Variants in CTNNA2 observed in about 807,000 individuals in gnomAD.
The protein encoded by CTNNA2 is catenin alpha-2.
CTNNA2 carries 42 observed loss-of-function variants against 101.0 expected under a neutral mutation model. The observed-to-expected ratio is 0.42, with a 90% CI of 0.32 to 0.54. CTNNA2 has a LOEUF of 0.54. Among genes scored for constraint, CTNNA2 ranks in the 20% least tolerant of loss-of-function variants. The pLI is 0.14. For missense variants in CTNNA2, 871 were observed against 1,223.1 expected, an observed-to-expected ratio of 0.71 and a Z score of 4.29; for synonymous variants, 450 against 456.4, an observed-to-expected ratio of 0.99 and a Z score of 0.18.
At chr2:79,534,481 A>G (rs1426675365) in intron 1 of CTNNA2, among the ~76,000 whole-genome samples, 1 of 152,082 alleles carries the variant, frequency 6.6e-6, no homozygotes, top group Non-Finnish European at 1.5e-5. Context: ...CAGGCTCATA[A>G]TAGGTATTCT....
chr2:80,237,721 G>C (rs1709620173), intron 7 of CTNNA2, among the ~76,000 whole-genome samples: 1 of 152,150 alleles, frequency 6.6e-6, no homozygotes, highest in South Asian at 2.1e-4. Flanking sequence ...GATCTGCATT[G>C]ATGTTTCATA....
chr2:79,549,037 C>G (rs967300309), intron 1 of CTNNA2, among the ~76,000 whole-genome samples: 6 of 152,158 alleles, frequency 3.9e-5, no homozygotes, highest in African/African-American at 1.4e-4. Context: ...GTCCACAGGG[C>G]ATACGGTGCA....
chr2:79,418,675 GC>G (rs959203247), intron 4 of CTNNA2, among the ~76,000 whole-genome samples: 12 of 152,000 alleles, frequency 7.9e-5, no homozygotes, highest in Non-Finnish European at 1.6e-4. Context: ...CTTTCTCTCT[GC>G]CGTCATCTGC....
At chr2:79,390,353 A>T (rs953016254) in intron 4 of CTNNA2, among the ~76,000 whole-genome samples, 5 of 152,232 alleles carry the variant, frequency 3.3e-5, no homozygotes, top group African/African-American at 7.2e-5. Context: ...ACTCTTTGTG[A>T]CATATGAATT....
intron 7 of CTNNA2, among the ~76,000 whole-genome samples, chr2:80,003,006 C>A (rs1237934046): frequency 6.6e-6 from 1 of 152,108 alleles, no homozygotes; most frequent in African/African-American, 2.4e-5. Context: ...GTAAGACATT[C>A]CCTACCCACT....
rs557527400 is a variant in CTNNA2, at chr2:79,758,546, A to G, written c.298+13964A>G. Among the ~76,000 whole-genome samples, 5 of 152,324 alleles carry G rather than the reference A, an allele frequency of 3.3e-5. No homozygotes were observed. The East Asian group carries it at 9.6e-4, about 29-fold the overall frequency. ...TGGGATACAATTAACCCCGTCACCC[A>G]GGTAACTGAGCCTAGTACCCAAGTT... On this transcript the variant is annotated intron_variant, in intron 3 of 18. Transcript: ENST00000402739.
chr2:80,308,586 C>T (rs1333976551), intron 7 of CTNNA2, among the ~76,000 whole-genome samples: 2 of 151,986 alleles, frequency 1.3e-5, no homozygotes, highest in East Asian at 3.9e-4. Context: ...GTGGGGGCCC[C>T]AAGGCTGCTC....
intron 2 of CTNNA2, among the ~76,000 whole-genome samples, chr2:79,212,814 A>G (rs1192673054): frequency 1.3e-5 from 2 of 152,210 alleles, no homozygotes; most frequent in East Asian, 1.9e-4. Context: ...CTAATTTGCC[A>G]GTCCTGGGCA....
At chr2:80,579,853 A>G (rs1459418354) in intron 13 of CTNNA2, among the ~76,000 whole-genome samples, 1 of 152,204 alleles carries the variant, frequency 6.6e-6, no homozygotes, top group East Asian at 1.9e-4. Flanking sequence ...CAAAGAAACC[A>G]GCAGAATAAA....
At chr2:79,560,132 A>G (rs1674688089) in intron 1 of CTNNA2, among the ~76,000 whole-genome samples, 1 of 151,704 alleles carries the variant, frequency 6.6e-6, no homozygotes, top group Non-Finnish European at 1.5e-5. Flanking sequence ...AGAAAATGAC[A>G]ACTTGGAGCA....
At chr2:80,601,421 C>CTTTTTTTTT (rs56921519) in intron 15 of CTNNA2, among the ~76,000 whole-genome samples, 7 of 84,392 alleles carry the variant, frequency 8.3e-5, no homozygotes, top group African/African-American at 1.4e-4. Flanking sequence ...TTCTTTCTTT[C>CTTTTTTTTT]TTTTTTTTTT....
chr2:80,472,450 G>A (rs942814410), intron 9 of CTNNA2, among the ~76,000 whole-genome samples: 3 of 152,284 alleles, frequency 2.0e-5, no homozygotes, highest in Admixed American at 2.0e-4. Flanking sequence ...ATTATAGTGG[G>A]AAGATGGTAT....
At chr2:79,866,163 AT>A (rs1223926450) in intron 4 of CTNNA2, among the ~76,000 whole-genome samples, 1 of 152,232 alleles carries the variant, frequency 6.6e-6, no homozygotes, top group Non-Finnish European at 1.5e-5. Context: ...GGTACAGGCT[AT>A]TTTGAACAGG....
intron 7 of CTNNA2, among the ~76,000 whole-genome samples, chr2:80,233,376 GT>G (rs1709367971): frequency 6.6e-6 from 1 of 151,986 alleles, no homozygotes; most frequent in South Asian, 2.1e-4. Flanking sequence ...GACACTACTT[GT>G]TTTCTCTGTC....
chr2:80,595,797 T>C (rs1281868494), intron 15 of CTNNA2, among the ~76,000 whole-genome samples: 4 of 152,244 alleles, frequency 2.6e-5, no homozygotes, highest in African/African-American at 9.6e-5. Context: ...TCAGGTAGCA[T>C]GATGCCTCCA....
rs1249201220 is a variant in CTNNA2, at chr2:80,303,911, C to A, written c.1057-89300C>A. 1.7e-5 allele frequency: 24 copies of A among 1,383,784 alleles called. No homozygotes were observed. The highest frequency in any genetic ancestry group is 2.8e-5 in the Admixed American group (1 of 35,548). 85.7% of individuals were successfully genotyped at this position (1,383,784 alleles called of 1,614,324 possible). ...ATATTTTATTCCGAGGGAGGGGAAG[C>A]GGGGGAGGGGGAGAAAAGGGCAAAA... On this transcript the variant is annotated intron_variant, in intron 7 of 18. Transcript: ENST00000402739. The surrounding 1 kb of genome is among the most constrained non-coding windows in gnomAD (Gnocchi z 7.7).
At chr2:79,309,445 A>T (rs1676317785) in intron 2 of CTNNA2, among the ~76,000 whole-genome samples, 1 of 152,218 alleles carries the variant, frequency 6.6e-6, no homozygotes, top group South Asian at 2.1e-4. Flanking sequence ...AATCCAGCAG[A>T]GGAGTATGGC....
At chr2:80,221,256 G>C (rs920175301) in intron 7 of CTNNA2, among the ~76,000 whole-genome samples, 1 of 152,208 alleles carries the variant, frequency 6.6e-6, no homozygotes, top group South Asian at 2.1e-4. Flanking sequence ...AGCTCATTAA[G>C]TGTAGGATTA....
At chr2:79,990,341 G>C (rs1165949572) in intron 7 of CTNNA2, among the ~76,000 whole-genome samples, 1 of 152,084 alleles carries the variant, frequency 6.6e-6, no homozygotes, top group African/African-American at 2.4e-5. Context: ...GGGGAAGAAA[G>C]GTCCCAGATA....
Sources: gnomAD v4.1 joint callset for allele counts (sites outside exome capture counted in the v4.1 genomes callset) on GRCh38, gnomAD v4.1.1 for gene constraint, Gnocchi (gnomAD v3.1) non-coding constraint, MANE v1.5 for transcripts, NCBI Gene and HGNC (gene_info 2026-07-23, HGNC 2026-07-21) for gene names.